CNTN4: variants seen among roughly 807,000 people sequenced by gnomAD.
CNTN4 encodes contactin-4.
CNTN4 carries 77 observed loss-of-function variants against 122.5 expected under a neutral mutation model. That is an observed-to-expected ratio of 0.63 (90% CI 0.52 to 0.76). The LOEUF is 0.76. CNTN4 is among the 30% of genes least tolerant of loss of function. The pLI is 0.00. For missense variants in CNTN4, 1,256 were observed against 1,259.1 expected (o/e 1.00, Z 0.04); for synonymous variants, 512 against 447.0 (o/e 1.15, Z -1.83).
chr3:2,548,182 G>T (rs2078327374), intron 3 of CNTN4, among the ~76,000 whole-genome samples: 1 of 152,142 alleles, frequency 6.6e-6, no homozygotes, highest in Non-Finnish European at 1.5e-5. Flanking sequence ...ACTGTAATTA[G>T]ATCCCATTTG....
intron 4 of CNTN4, among the ~76,000 whole-genome samples, chr3:2,601,213 C>A (rs1307202976): frequency 1.3e-5 from 2 of 152,046 alleles, no homozygotes; most frequent in East Asian, 3.9e-4. Flanking sequence ...TAATTAGATC[C>A]CATTTGTCTA....
chr3:2,383,798 T>A (rs1398882678), intron 3 of CNTN4, among the ~76,000 whole-genome samples: 2 of 149,832 alleles, frequency 1.3e-5, no homozygotes, highest in Non-Finnish European at 3.0e-5. Context: ...TTCTTTCCTC[T>A]CTTCTCCCTC....
chr3:2,652,516 A>G (rs758377220), intron 4 of CNTN4, among the ~76,000 whole-genome samples: 1 of 152,170 alleles, frequency 6.6e-6, no homozygotes, highest in Non-Finnish European at 1.5e-5. Context: ...TTGAAACTGA[A>G]TCCAAAGCCC....
chr3:2,542,314 T>G (rs113052715), intron 3 of CNTN4, among the ~76,000 whole-genome samples: 1 of 152,148 alleles, frequency 6.6e-6, no homozygotes, highest in Non-Finnish European at 1.5e-5. Context: ...AATAGTCAGA[T>G]AGGCAAAACA....
At chr3:2,778,080 G>A (rs985530281) in intron 6 of CNTN4, among the ~76,000 whole-genome samples, 2 of 147,028 alleles carry the variant, frequency 1.4e-5, no homozygotes, top group African/African-American at 2.5e-5. Flanking sequence ...CGGGCGTGGT[G>A]GCGGGCGCCT....
intron 3 of CNTN4, among the ~76,000 whole-genome samples, chr3:2,488,180 G>C (rs2076216371): frequency 1.3e-5 from 2 of 152,198 alleles, no homozygotes. Flanking sequence ...AAGATGTTTA[G>C]ATGCAGAGGT....
At chr3:2,494,479 T>C (rs1437587081) in intron 3 of CNTN4, among the ~76,000 whole-genome samples, 2 of 152,120 alleles carry the variant, frequency 1.3e-5, no homozygotes, top group Non-Finnish European at 2.9e-5. Context: ...ATAAGGGGCC[T>C]TGTTGAAGCC....
chr3:2,260,126 G>C (rs1047637919), intron 2 of CNTN4, among the ~76,000 whole-genome samples: 4 of 152,054 alleles, frequency 2.6e-5, no homozygotes, highest in African/African-American at 9.7e-5. Context: ...CCCAAGAATG[G>C]GGATAGCAAT....
At chr3:2,816,246 C>A (rs979321198) in intron 6 of CNTN4, among the ~76,000 whole-genome samples, 1 of 147,470 alleles carries the variant, frequency 6.8e-6, no homozygotes, top group Admixed American at 6.6e-5. Context: ...CCCAGCTACT[C>A]GGGAGGCTGA....
chr3:2,826,571 G>A (rs1333914974), intron 7 of CNTN4, among the ~76,000 whole-genome samples: 1 of 152,130 alleles, frequency 6.6e-6, no homozygotes, highest in African/African-American at 2.4e-5. Flanking sequence ...CTTGCTATGT[G>A]GTCTTGGGCC....
chr3:2,641,794 T>C (rs2082906572), intron 4 of CNTN4, among the ~76,000 whole-genome samples: 1 of 152,188 alleles, frequency 6.6e-6, no homozygotes, highest in African/African-American at 2.4e-5. Context: ...GAAAGGAAGA[T>C]TGCTTAGAAA....
chr3:2,124,574 C>T (rs942996211), intron 2 of CNTN4, among the ~76,000 whole-genome samples: 1 of 151,792 alleles, frequency 6.6e-6, no homozygotes. Flanking sequence ...CCAGCTGGAG[C>T]AACAAAGTGA....
At chr3:2,775,078 C>A (rs1044845777) in intron 6 of CNTN4, among the ~76,000 whole-genome samples, 5 of 152,222 alleles carry the variant, frequency 3.3e-5, no homozygotes, top group African/African-American at 9.6e-5. Flanking sequence ...GACTTTCCAG[C>A]AGACATAAGT....
In CNTN4 at chr3:3,037,344, G is replaced by C; in HGVS notation, c.2092+16G>C. The C allele has an allele frequency of 6.2e-7, 1 of 1,614,132 alleles. No homozygotes were observed. Among genetic ancestry groups the C allele is most frequent in the Non-Finnish European group, 8.5e-7 (1 of 1,179,998 alleles). ...GAAGAAGCTCGTGAGTAGCACCCGAGATTCAGATCATCTGTTCTGCCAGCT... is the reference window on the plus strand; with the variant it reads ...GAAGAAGCTCGTGAGTAGCACCCGACATTCAGATCATCTGTTCTGCCAGCT... On this transcript the variant is annotated intron_variant, in intron 18 of 24. Coordinates refer to ENST00000418658, the MANE Select transcript of CNTN4 (RefSeq NM_175607.3).
rs919789282 is a variant in CNTN4 at position 2,300,627 on chromosome 3, A to G, written c.-144-38551A>G. Among the ~76,000 whole-genome samples, 5 of 124,184 alleles carry G rather than the reference A, an allele frequency of 4.0e-5. No homozygotes were observed. The South Asian group carries it at 1.4e-3, about 34-fold the overall frequency. 81.5% of individuals were successfully genotyped at this position (124,184 alleles called of 152,430 possible). A position where few individuals can be genotyped will look rare whatever the true frequency, so the allele number is the denominator to read the frequency against. ...TTGCTCTGTCTCCAGGCTGGAGTGC[A>G]GTGGCACAGTCTCGGCTCACTGCAA... is the stretch of plus-strand genomic sequence containing the variant. On this transcript the variant is annotated intron_variant, in intron 2 of 24. Coordinates refer to ENST00000418658, the MANE Select transcript of CNTN4 (RefSeq NM_175607.3).
At chr3:2,439,896 A>G (rs1378599826) in intron 3 of CNTN4, among the ~76,000 whole-genome samples, 1 of 152,112 alleles carries the variant, frequency 6.6e-6, no homozygotes, top group Non-Finnish European at 1.5e-5. Flanking sequence ...CACTCTGACC[A>G]TTTTAAAAGC....
At chr3:2,930,345 G>T (rs2094508851) in intron 13 of CNTN4, among the ~76,000 whole-genome samples, 1 of 152,026 alleles carries the variant, frequency 6.6e-6, no homozygotes, top group Non-Finnish European at 1.5e-5. Flanking sequence ...CAGCGAGTTT[G>T]GATTAGTAAG....
chr3:2,628,230 T>C (rs1381489289), intron 4 of CNTN4, among the ~76,000 whole-genome samples: 1 of 152,198 alleles, frequency 6.6e-6, no homozygotes, highest in African/African-American at 2.4e-5. Context: ...AAGTTATTTT[T>C]TCAGCTGCTT....
intron 2 of CNTN4, among the ~76,000 whole-genome samples, chr3:2,173,747 A>C (rs1575000905): frequency 6.6e-6 from 1 of 152,326 alleles, no homozygotes; most frequent in South Asian, 2.1e-4. Flanking sequence ...AATAATAATA[A>C]TAGTTTACCT....
Sources: gnomAD v4.1 joint callset for allele counts (sites outside exome capture counted in the v4.1 genomes callset) on GRCh38, gnomAD v4.1.1 for gene constraint, MANE v1.5 for transcripts, NCBI Gene and HGNC (gene_info 2026-07-23, HGNC 2026-07-21) for gene names.